Variants in EEFSEC observed in about 807,000 individuals in gnomAD.
The protein encoded by EEFSEC is eukaryotic elongation factor, selenocysteine-tRNA specific.
A neutral mutation model predicts 42.1 loss-of-function variants in EEFSEC; 43 were observed. The ratio of observed to expected loss-of-function variants is 1.02; its 90% CI spans 0.80 to 1.32. The LOEUF (loss-of-function observed/expected upper bound fraction) is 1.32, where lower values mean the gene tolerates loss of function less well. Among genes scored for constraint, EEFSEC ranks in the 40% most tolerant of loss-of-function variants. EEFSEC has a pLI of 0.00. For missense variants in EEFSEC, 745 were observed against 803.6 expected (o/e 0.93, Z 0.88); for synonymous variants, 354 against 339.1 (o/e 1.04, Z -0.48).
intron 4 of EEFSEC, among the ~76,000 whole-genome samples, chr3:128,275,614 G>A (rs1442647824): frequency 6.6e-6 from 1 of 152,250 alleles, no homozygotes; most frequent in Admixed American, 6.5e-5. Flanking sequence ...CTTCCAGAGT[G>A]TGGTGGGGGC....
chr3:128,421,072 C>T, the EEFSEC span, among the ~76,000 whole-genome samples: 4 of 152,258 alleles, frequency 2.6e-5, 1 homozygote, highest in South Asian at 8.3e-4. Context: ...CAGGAGCCAG[C>T]GTGGCAGGCT....
intron 2 of EEFSEC, among the ~76,000 whole-genome samples, chr3:128,259,601 A>G (rs1002035423): frequency 6.6e-6 from 1 of 152,122 alleles, no homozygotes; most frequent in Non-Finnish European, 1.5e-5. Context: ...ATTCCAGAAC[A>G]TTTTCATTAC....
chr3:128,231,292 A>G (rs2065957096), intron 1 of EEFSEC, among the ~76,000 whole-genome samples: 2 of 152,242 alleles, frequency 1.3e-5, no homozygotes, highest in Non-Finnish European at 2.9e-5. Flanking sequence ...AATGGAAATC[A>G]CATTGACAGG....
intron 1 of EEFSEC, among the ~76,000 whole-genome samples, chr3:128,231,255 A>G (rs1327400585): frequency 6.6e-6 from 1 of 152,238 alleles, no homozygotes; most frequent in African/African-American, 2.4e-5. Context: ...ATTGTTATGA[A>G]TGATGAGGCT....
Position 128,181,328 on chromosome 3 carries a change from CTGTT to C in EEFSEC, c.316+27511_316+27514del, listed in dbSNP as rs565638364. Among the ~76,000 whole-genome samples, 594 of 152,300 alleles carry C rather than the reference CTGTT, an allele frequency of 3.9e-3. 1 individual carries two copies. Among genetic ancestry groups the C allele is most frequent in the Middle Eastern group, 0.02 (6 of 294 alleles). On this transcript the variant is annotated intron_variant, in intron 1 of 6. Coordinates refer to ENST00000254730, the MANE Select transcript of EEFSEC (RefSeq NM_021937.5). ...TGTGTGGAGAGCATTCTGAGTTTGT[CTGTT>C]TGTTTACTGTCCTCCCATCAAGACC... is the stretch of plus-strand genomic sequence containing the variant.
At chr3:128,399,597 C>A (rs945502128) in intron 6 of EEFSEC, among the ~76,000 whole-genome samples, 3 of 152,128 alleles carry the variant, frequency 2.0e-5, no homozygotes, top group African/African-American at 7.2e-5. Context: ...CCGGCCCCCC[C>A]CAGCCAGCGA....
intron 1 of EEFSEC, among the ~76,000 whole-genome samples, chr3:128,181,000 C>T (rs1320664617): frequency 6.6e-6 from 1 of 152,178 alleles, no homozygotes; most frequent in Admixed American, 6.5e-5. Context: ...TTTGAGAGAT[C>T]ACTCCTGGGT....
intron 1 of EEFSEC, among the ~76,000 whole-genome samples, chr3:128,216,725 C>T (rs1407155964): frequency 2.6e-5 from 4 of 152,254 alleles, no homozygotes; most frequent in African/African-American, 9.6e-5. Context: ...GTTGGCCCTG[C>T]TCACAGAGGT....
At chr3:128,403,777 T>C (rs1007751831) in intron 6 of EEFSEC, among the ~76,000 whole-genome samples, 3 of 152,200 alleles carry the variant, frequency 2.0e-5, no homozygotes, top group Admixed American at 6.5e-5. Flanking sequence ...TCATCTGGCC[T>C]TGGGTCCAGC....
At chr3:128,248,586 A>G (rs756307742) in intron 2 of EEFSEC, among the ~76,000 whole-genome samples, 10 of 152,218 alleles carry the variant, frequency 6.6e-5, no homozygotes, top group Non-Finnish European at 1.3e-4. Context: ...AAAGGAAGAT[A>G]AAAAATTATA....
At chr3:128,411,619 G>A (rs952359259), downstream of EEFSEC, among the ~76,000 whole-genome samples, 7 of 152,260 alleles carry the variant, frequency 4.6e-5, no homozygotes, top group East Asian at 3.9e-4. Context: ...GTCATGGACC[G>A]ACATCCTGCC....
chr3:128,269,408 G>A (rs574894666), intron 4 of EEFSEC, among the ~76,000 whole-genome samples: 27 of 152,388 alleles, frequency 1.8e-4, no homozygotes, highest in African/African-American at 6.0e-4. Context: ...CTGAGGTTCA[G>A]AACTCCTGAC....
intron 1 of EEFSEC, among the ~76,000 whole-genome samples, chr3:128,233,027 G>A (rs1457945653): frequency 6.6e-6 from 1 of 152,154 alleles, no homozygotes; most frequent in Non-Finnish European, 1.5e-5. Flanking sequence ...GCCGCTCCTG[G>A]CTGACGATAA....
intron 6 of EEFSEC, among the ~76,000 whole-genome samples, chr3:128,393,654 TG>T (rs2067943711): frequency 6.6e-6 from 1 of 152,238 alleles, no homozygotes; most frequent in South Asian, 2.1e-4. Context: ...AGGCACAGAC[TG>T]TGTTTTGGAA....
chr3:128,254,421 A>G (rs559583487), intron 2 of EEFSEC, among the ~76,000 whole-genome samples: 7 of 152,270 alleles, frequency 4.6e-5, no homozygotes, highest in Non-Finnish European at 1.0e-4. Flanking sequence ...ACTTTTACAC[A>G]TGTTAACCGA....
Position 128,318,840 on chromosome 3 carries a change from G to A in EEFSEC, c.787-22393G>A, listed in dbSNP as rs1186298478. Reference sequence around the variant, plus strand: ...GCGGTTGATGCCTGGCTTCGCCACCGAGGGAGCACTTGGGCCAGGCACCTG... The same window carrying A: ...GCGGTTGATGCCTGGCTTCGCCACCAAGGGAGCACTTGGGCCAGGCACCTG... On this transcript the variant is annotated intron_variant, in intron 4 of 6. Coordinates refer to ENST00000254730, the MANE Select transcript of EEFSEC (RefSeq NM_021937.5). Among the ~76,000 whole-genome samples, 7 of 152,354 alleles carry A rather than the reference G, an allele frequency of 4.6e-5. No individual in the cohort carries two copies. The East Asian group carries it at 1.2e-3, about 25-fold the overall frequency.
chr3:128,202,736 A>G (rs2065655898), intron 1 of EEFSEC, among the ~76,000 whole-genome samples: 1 of 152,230 alleles, frequency 6.6e-6, no homozygotes, highest in Non-Finnish European at 1.5e-5. Flanking sequence ...CGTTCTGATC[A>G]TGGTGACAAA....
intron 4 of EEFSEC, among the ~76,000 whole-genome samples, chr3:128,332,358 A>G (rs545320338): frequency 7.9e-5 from 12 of 152,298 alleles, no homozygotes; most frequent in Non-Finnish European, 1.2e-4. Flanking sequence ...AAGTGTTTCG[A>G]TTTCAGATTG....
chr3:128,371,994 C>T (rs1241957255), intron 6 of EEFSEC, among the ~76,000 whole-genome samples: 1 of 152,206 alleles, frequency 6.6e-6, no homozygotes, highest in African/African-American at 2.4e-5. Context: ...TTTACTGGCC[C>T]TTACACAGTG....
Sources: allele counts gnomAD v4.1 joint callset (sites outside exome capture counted in the v4.1 genomes callset), GRCh38; gene constraint gnomAD v4.1.1; transcripts MANE v1.5; gene names NCBI Gene and HGNC (gene_info 2026-07-23, HGNC 2026-07-21).